The following SLC16A10 variants were observed in gnomAD, a reference collection of about 807,000 sequenced individuals.
SLC16A10 encodes the protein monocarboxylate transporter 10.
A neutral mutation model predicts 40.0 loss-of-function variants in SLC16A10; 27 were observed. That is an observed-to-expected ratio of 0.67 (90% CI 0.50 to 0.93). The LOEUF is 0.93. Among genes scored for constraint, SLC16A10 ranks in the 40% least tolerant of loss-of-function variants. The probability of loss-of-function intolerance (pLI) is 0.00; values close to 1 mark genes in which losing one functional copy is unlikely to be tolerated. For synonymous variants in SLC16A10, 213 were observed against 249.8 expected (o/e 0.85, Z 1.39); for missense variants, 529 against 658.2 (o/e 0.80, Z 2.15).
At chr6:111,172,625 T>C in intron 1 of SLC16A10, 70 bp from the exon 2 acceptor site, 1 of 1,556,096 alleles carries the variant, frequency 6.4e-7, no homozygotes. Context: ...ATGTGTATTA[T>C]ATCAATGGAA....
At chr6:111,157,065 C>T (rs1010860951) in intron 1 of SLC16A10, among the ~76,000 whole-genome samples, 2 of 151,820 alleles carry the variant, frequency 1.3e-5, no homozygotes, top group Non-Finnish European at 2.9e-5. Flanking sequence ...ATTACAGGCA[C>T]GCGCCACCAC....
At chr6:111,202,443 A>C (rs1367695245) in intron 3 of SLC16A10, among the ~76,000 whole-genome samples, 1 of 152,144 alleles carries the variant, frequency 6.6e-6, no homozygotes, top group Admixed American at 6.5e-5. Flanking sequence ...GCGCCAGTGC[A>C]CTCAAGCCTG....
At chr6:111,190,042 C>T (rs1259889175) in intron 3 of SLC16A10, among the ~76,000 whole-genome samples, 3 of 152,284 alleles carry the variant, frequency 2.0e-5, no homozygotes, top group Admixed American at 2.0e-4. Context: ...GTCCCCTCTG[C>T]CTATGAATCT....
chr6:111,218,264 G>A (rs572873395), intron 4 of SLC16A10, among the ~76,000 whole-genome samples: 2 of 152,140 alleles, frequency 1.3e-5, no homozygotes, highest in East Asian at 3.9e-4. Context: ...TTTGCAGGCT[G>A]GGAGGGAAAT....
chr6:111,177,447 T>C lies in SLC16A10; in HGVS notation c.724T>C (p.Phe242Leu), dbSNP rs1772707177. ...YTLRVLCIFM[F>L]VLFLAGFTYR... ...ATTGAGGGTGCTCTGCATCTTCATG[T>C]TTGTTCTCTTTCTGGCTGGCTTTAC... is the stretch of plus-strand genomic sequence containing the variant. Residue 242 changes from phenylalanine to leucine, a missense_variant, in exon 3 of 6, where the codon TTT (phenylalanine) becomes CTT (leucine). By Grantham distance (22) the Phe-to-Leu change is conservative (BLOSUM62 0). Coordinates refer to ENST00000368851, the MANE Select transcript of SLC16A10 (RefSeq NM_018593.5). 7.4e-6 allele frequency: 12 copies of C among 1,614,098 alleles called. No individual in the cohort carries two copies. The highest frequency in any genetic ancestry group is 1.0e-5 in the Non-Finnish European group (12 of 1,180,010).
At chr6:111,089,303 A>C (rs1770930991) in intron 1 of SLC16A10, among the ~76,000 whole-genome samples, 1 of 152,182 alleles carries the variant, frequency 6.6e-6, no homozygotes, top group Non-Finnish European at 1.5e-5. Flanking sequence ...TCCATTCCGC[A>C]TCATGTTTGT....
chr6:111,149,362 C>T (rs775976667), intron 1 of SLC16A10, among the ~76,000 whole-genome samples: 92 of 152,186 alleles, frequency 6.0e-4, no homozygotes, highest in Non-Finnish European at 1.1e-3. Flanking sequence ...AAGGCTATGC[C>T]ACTGTCATGA....
intron 3 of SLC16A10, among the ~76,000 whole-genome samples, chr6:111,196,172 A>G (rs553881482): frequency 2.6e-5 from 4 of 152,088 alleles, no homozygotes; most frequent in Non-Finnish European, 5.9e-5. Flanking sequence ...CCCTGTCTGT[A>G]CTAAAAATAC....
At chr6:111,152,670 T>A (rs75198059) in intron 1 of SLC16A10, among the ~76,000 whole-genome samples, 2,122 of 152,336 alleles carry the variant, frequency 0.014, 44 homozygotes, top group African/African-American at 0.047. Flanking sequence ...ACTTTACGTG[T>A]AAGTACTTTT....
At chr6:111,176,620 C>G (rs1462335972) in intron 2 of SLC16A10, among the ~76,000 whole-genome samples, 1 of 152,138 alleles carries the variant, frequency 6.6e-6, no homozygotes. Context: ...CAGTACAGGG[C>G]GAAGGTTGGT....
intron 4 of SLC16A10, among the ~76,000 whole-genome samples, chr6:111,216,330 G>A (rs1773420323): frequency 6.6e-6 from 1 of 152,202 alleles, no homozygotes; most frequent in Non-Finnish European, 1.5e-5. Context: ...TCAGGAGAAT[G>A]GGGAGATTTT....
At chr6:111,215,603 T>A (rs576970467) in intron 4 of SLC16A10, among the ~76,000 whole-genome samples, 1 of 152,222 alleles carries the variant, frequency 6.6e-6, no homozygotes, top group Non-Finnish European at 1.5e-5. Context: ...AAAGTTTTAT[T>A]CTAGATTCTC....
intron 1 of SLC16A10, among the ~76,000 whole-genome samples, chr6:111,120,279 G>A (rs956881687): frequency 6.6e-6 from 1 of 152,156 alleles, no homozygotes; most frequent in Non-Finnish European, 1.5e-5. Context: ...GTTGATAAAT[G>A]GCAGTTCTTC....
chr6:111,190,986 T>C (rs1772980754), intron 3 of SLC16A10, among the ~76,000 whole-genome samples: 1 of 152,252 alleles, frequency 6.6e-6, no homozygotes, highest in Admixed American at 6.5e-5. Flanking sequence ...TGGCTTGAAC[T>C]TCTCCCCAGA....
At chr6:111,190,529 T>A (rs550026296) in intron 3 of SLC16A10, among the ~76,000 whole-genome samples, 1 of 152,330 alleles carries the variant, frequency 6.6e-6, no homozygotes, top group African/African-American at 2.4e-5. Flanking sequence ...CAGAGGTTCT[T>A]CATGAGGTTC....
At chr6:111,212,017 C>T (rs967468064) in intron 4 of SLC16A10, among the ~76,000 whole-genome samples, 5 of 152,150 alleles carry the variant, frequency 3.3e-5, no homozygotes, top group African/African-American at 9.7e-5. Context: ...CCTCTTTGTC[C>T]CCTGGAAGCC....
intron 1 of SLC16A10, among the ~76,000 whole-genome samples, chr6:111,149,607 G>T (rs150563014): frequency 2.0e-5 from 3 of 152,284 alleles, no homozygotes; most frequent in African/African-American, 7.2e-5. Context: ...TTATAATAAA[G>T]AGTAGCATTC....
chr6:111,172,739 C>CCAAT lies in SLC16A10; in HGVS notation c.389_392dup (p.Val132AsnfsTer96). On this transcript the variant is annotated frameshift_variant, in exon 2 of 6. Coordinates refer to ENST00000368851, the MANE Select transcript of SLC16A10 (RefSeq NM_018593.5). LOFTEE classifies it high-confidence loss of function. ...CATGGGGATGATTTTCTTTTGCTGC[C>CCAAT]CAATAGTCAGCGTCTTCACAGACCT... The CCAAT allele has an allele frequency of 6.2e-7, 1 of 1,614,052 alleles. No individual in the cohort carries two copies. Among genetic ancestry groups the CCAAT allele is most frequent in the Non-Finnish European group, 8.5e-7 (1 of 1,179,972 alleles).
intron 1 of SLC16A10, among the ~76,000 whole-genome samples, chr6:111,164,385 T>G (rs1206362733): frequency 6.6e-6 from 1 of 152,184 alleles, no homozygotes; most frequent in Non-Finnish European, 1.5e-5. Flanking sequence ...AATTATACCT[T>G]AAGTTGTAGC....
Sources: allele counts gnomAD v4.1 joint callset (sites outside exome capture counted in the v4.1 genomes callset), GRCh38; gene constraint gnomAD v4.1.1; transcripts MANE v1.5; gene names NCBI Gene and HGNC (gene_info 2026-07-23, HGNC 2026-07-21).